STRADA: variants seen among roughly 807,000 people sequenced by gnomAD.
STRADA encodes the protein STE20 related adaptor alpha, also known as STE20-related kinase adapter protein alpha.
STRADA carries 26 observed loss-of-function variants against 55.0 expected under a neutral mutation model. The observed-to-expected ratio is 0.47, with a 90% CI of 0.35 to 0.66. The LOEUF is 0.66. Ranked by LOEUF, STRADA falls within the 30% of genes least tolerant of loss-of-function variation. The pLI is 0.01. For synonymous variants in STRADA, 197 were observed against 210.9 expected, an observed-to-expected ratio of 0.93 and a Z score of 0.57; for missense variants, 443 against 549.7, an observed-to-expected ratio of 0.81 and a Z score of 1.94.
intron 1 of STRADA, 48 bp downstream of exon 1, chr17:63,741,693 G>C (rs909928951): frequency 6.6e-6 from 1 of 152,324 alleles, no homozygotes; most frequent in African/African-American, 2.4e-5. Flanking sequence ...GGCAGAGCCA[G>C]GAGGGACTGG....
chr17:63,703,770 G>A lies in STRADA; in HGVS notation c.1144-19C>T, dbSNP rs775103645. Reference sequence around the variant, plus strand: ...GCTTGATCTGGGGGAGAAGAGAGAGGTGGGTGACAGATCCTGTTGCTCTGG... The same window carrying A: ...GCTTGATCTGGGGGAGAAGAGAGAGATGGGTGACAGATCCTGTTGCTCTGG... On this transcript the variant is annotated intron_variant, in intron 12 of 12. Transcript: ENST00000336174. 37 of 1,612,898 alleles carry A rather than the reference G, an allele frequency of 2.3e-5. No homozygotes were observed. Among genetic ancestry groups the A allele is most frequent in the Admixed American group, 1.2e-4 (7 of 59,966 alleles).
chr17:63,740,236 C>T (rs984467384), intron 1 of STRADA, among the ~76,000 whole-genome samples: 4 of 150,292 alleles, frequency 2.7e-5, no homozygotes, highest in African/African-American at 9.9e-5. Flanking sequence ...ATTGGCCGGG[C>T]GCGGTGGCTC....
Position 63,706,754 on chromosome 17 carries a change from A to G in STRADA, c.754-15T>C, listed in dbSNP as rs2036119776. ...CCCTGGAGATTCTAAGCCAGAAAAA[A>G]AAGGCCACAGATTACCCCATTTGGT... On this transcript the variant is annotated splice_polypyrimidine_tract_variant and intron_variant, in intron 9 of 12. Coordinates refer to ENST00000336174, the MANE Select transcript of STRADA (RefSeq NM_001003787.4). The G allele has an allele frequency of 6.2e-7, 1 of 1,603,328 alleles. No individual in the cohort carries two copies. Among genetic ancestry groups the G allele is most frequent in the African/African-American group, 1.3e-5 (1 of 74,780 alleles).
At chr17:63,739,407 G>T (rs1194944412) in intron 1 of STRADA, among the ~76,000 whole-genome samples, 1 of 151,932 alleles carries the variant, frequency 6.6e-6, no homozygotes, top group African/African-American at 2.4e-5. Context: ...GCCCAGGCTG[G>T]TCTCAAACTC....
chr17:63,713,628 T>C (rs556993174), intron 5 of STRADA, 101 bp from the exon 6 acceptor site: 30 of 1,493,958 alleles, frequency 2.0e-5, no homozygotes, highest in South Asian at 8.6e-5. Context: ...AGAAACTTAA[T>C]GTTAAATTTT....
At chr17:63,710,330 TG>T in intron 8 of STRADA, 160 bp downstream of exon 8, 1 of 1,263,238 alleles carries the variant, frequency 7.9e-7, no homozygotes, top group Non-Finnish European at 1.1e-6. Flanking sequence ...GCCATCGCGC[TG>T]GGCCCTGTTT....
intron 3 of STRADA, chr17:63,723,952 T>C (rs975188556): frequency 6.6e-6 from 1 of 152,218 alleles, no homozygotes; most frequent in African/African-American, 2.4e-5. Flanking sequence ...CCAAATTCTG[T>C]ATGTGCTTTT....
intron 6 of STRADA, chr17:63,712,659 G>A (rs2082398135): frequency 6.6e-6 from 1 of 151,974 alleles, no homozygotes; most frequent in African/African-American, 2.4e-5. Flanking sequence ...AGTAAGCCGT[G>A]GTCCTGCCAC....
chr17:63,740,619 A>C (rs1381701346), intron 1 of STRADA, among the ~76,000 whole-genome samples: 1 of 152,236 alleles, frequency 6.6e-6, no homozygotes, highest in Non-Finnish European at 1.5e-5. Flanking sequence ...TGAGCAGCTC[A>C]CAAGTATTAT....
At position 63,704,439 on chromosome 17, in the gene STRADA, G is replaced by T. The variant is rs2035935988; in HGVS notation, c.1002C>A (p.Pro334=). ...GGTGGGAGGGCGAGTCACCGTTGGA[G>T]GGCCGGGGGGTGCTGGTGGTCAGGC... The part of the protein sequence containing the change: ...SDSLTTSTPR[P]SNGDSPSHPY... Residue 334 remains proline, a synonymous_variant, in exon 11 of 13, where the codon CCC becomes CCA. Transcript: ENST00000336174. 4.3e-6 allele frequency: 7 copies of T among 1,612,968 alleles called. No individual in the cohort carries two copies. The highest frequency in any genetic ancestry group is 3.3e-4 in the Middle Eastern group (2 of 6,060).
chr17:63,714,084 T>C lies in STRADA; in HGVS notation c.148A>G (p.Ile50Val). 1 of 1,613,998 alleles carries C rather than the reference T, an allele frequency of 6.2e-7. No individual in the cohort carries two copies. Among genetic ancestry groups the C allele is most frequent in the Non-Finnish European group, 8.5e-7 (1 of 1,179,912 alleles). Residue 50 changes from isoleucine (I) to valine (V), a missense_variant, in exon 5 of 13, where the codon ATA becomes GTA. Coordinates refer to ENST00000336174, the MANE Select transcript of STRADA (RefSeq NM_001003787.4). ...RKTNDASSESIASFSKQEVMS... is the reference protein window; with the variant it reads ...RKTNDASSESVASFSKQEVMS... Reference sequence around the variant, plus strand: ...ACCTCCTGTTTAGAGAAGGATGCTATTGACTCTGAGCTCGCATCATTGGTC... The same window carrying C: ...ACCTCCTGTTTAGAGAAGGATGCTACTGACTCTGAGCTCGCATCATTGGTC...
intron 3 of STRADA, among the ~76,000 whole-genome samples, chr17:63,724,381 G>A (rs1460080027): frequency 6.6e-6 from 1 of 151,410 alleles, no homozygotes; most frequent in Non-Finnish European, 1.5e-5. Context: ...GACCTCAGGT[G>A]ATCTGCCTGC....
Position 63,704,553 on chromosome 17 carries a change from C to T in STRADA, c.888G>A (p.Val296=). Residue 296 remains valine, a synonymous_variant, in exon 11 of 13, where the codon GTG becomes GTA. Transcript: ENST00000336174. ...TGGTGCTGGTATCCAACAGGCAGGG[C>T]ACTGTGCCGTTCAGTTTCTCTAGCA... ...QMLLEKLNGT[V]PCLLDTSTIP... is the part of the protein sequence containing the mutation. 6.6e-7 allele frequency: 1 copy of T among 1,510,160 alleles called. No individual in the cohort carries two copies. 93.5% of individuals were successfully genotyped at this position (1,510,160 alleles called of 1,614,324 possible).
chr17:63,705,415 C>T (rs1651205904), intron 10 of STRADA: 1 of 161,228 alleles, frequency 6.2e-6, no homozygotes, highest in Admixed American at 5.9e-5. Context: ...TCTTGTTCCT[C>T]CTCAGTCACC....
intron 4 of STRADA, among the ~76,000 whole-genome samples, chr17:63,721,456 C>T (rs942433111): frequency 1.4e-4 from 21 of 150,328 alleles, no homozygotes; most frequent in Non-Finnish European, 2.4e-4. Context: ...CGGTGGCTCA[C>T]GCCTGTAATA....
chr17:63,705,064 GCCAGGCTGGGTGGCTGTTCCAAAGTACC>G (rs1056683708), intron 10 of STRADA: 2 of 747,668 alleles, frequency 2.7e-6, no homozygotes, highest in Non-Finnish European at 4.5e-6. Flanking sequence ...CCAAGGGGAG[GCCAGGCTGGGTGGCTGTTCCAAAGTACC>G]CCAACTCAAC....
chr17:63,716,158 C>CGATCTTG (rs1568193820), intron 4 of STRADA, among the ~76,000 whole-genome samples: 1 of 150,014 alleles, frequency 6.7e-6, no homozygotes, highest in African/African-American at 2.5e-5. Context: ...TGCAGTGGCA[C>CGATCTTG]GATCTTGGCT....
In STRADA at chr17:63,703,661, T is replaced by C; in HGVS notation, c.1234A>G (p.Ser412Gly). ...TTTGTTACCAGGCCAAAGATTCCAC[T>C]GTGGTCCTGAGACTGGCTGCCCTCA... The part of the protein sequence containing the change: ...NFEGSQSQDH[S>G]GIFGLVTNLE... Residue 412 changes from serine (S) to glycine (G), a missense_variant, in exon 13 of 13, where the codon AGT becomes GGT. By Grantham distance (56) the Ser-to-Gly change is moderately conservative. Coordinates refer to ENST00000336174, the MANE Select transcript of STRADA (RefSeq NM_001003787.4). The C allele has an allele frequency of 1.2e-6, 2 of 1,614,210 alleles. No individual in the cohort carries two copies. The highest frequency in any genetic ancestry group is 1.7e-6 in the Non-Finnish European group (2 of 1,180,010).
chr17:63,740,147 T>TATATACACAC (rs1401201419), intron 1 of STRADA, among the ~76,000 whole-genome samples: 2 of 67,006 alleles, frequency 3.0e-5, no homozygotes, highest in Admixed American at 3.3e-4. Flanking sequence ...TATATATATA[T>TATATACACAC]ACACACACAC....
Sources: gnomAD v4.1 joint callset for allele counts (sites outside exome capture counted in the v4.1 genomes callset) on GRCh38, gnomAD v4.1.1 for gene constraint, MANE v1.5 for transcripts, NCBI Gene and HGNC (gene_info 2026-07-23, HGNC 2026-07-21) for gene names.